TMEM132D: variants seen among roughly 807,000 people sequenced by gnomAD.
The protein encoded by TMEM132D is mature OL transmembrane protein.
Under a neutral mutation model 62.3 loss-of-function variants are expected in TMEM132D, and 21 were observed. That is an observed-to-expected ratio of 0.34 (90% CI 0.24 to 0.49). TMEM132D has a LOEUF of 0.49. TMEM132D is among the 20% of genes least tolerant of loss of function. TMEM132D has a pLI of 0.99. For missense variants in TMEM132D, 1,346 were observed against 1,402.8 expected (o/e 0.96, Z 0.65); for synonymous variants, 621 against 575.6 (o/e 1.08, Z -1.13).
At chr12:129,530,974 G>A in intron 3 of TMEM132D, 85 bp downstream of exon 3, 1 of 1,373,686 alleles carries the variant, frequency 7.3e-7, no homozygotes, top group South Asian at 1.5e-5. Context: ...AGTGGAAATG[G>A]TTGTTAGCAA....
At chr12:129,222,845 G>C (rs544768476) in intron 4 of TMEM132D, among the ~76,000 whole-genome samples, 2 of 152,060 alleles carry the variant, frequency 1.3e-5, no homozygotes, top group African/African-American at 4.8e-5. Flanking sequence ...AGCATGTTTA[G>C]TATAGTTAAT....
intron 1 of TMEM132D, among the ~76,000 whole-genome samples, chr12:129,720,805 A>G (rs890180412): frequency 5.3e-5 from 8 of 152,228 alleles, no homozygotes; most frequent in Non-Finnish European, 1.2e-4. Context: ...CAACGTATCA[A>G]TAATCAATAA....
At chr12:129,835,974 A>T (rs1040789058) in intron 1 of TMEM132D, among the ~76,000 whole-genome samples, 9 of 152,264 alleles carry the variant, frequency 5.9e-5, no homozygotes, top group African/African-American at 2.2e-4. Context: ...CCTGAGCAGC[A>T]GGACTCCACT....
chr12:129,712,560 G>T (rs1057391586), intron 1 of TMEM132D, among the ~76,000 whole-genome samples: 3 of 152,222 alleles, frequency 2.0e-5, no homozygotes, highest in Admixed American at 6.5e-5. Context: ...ATGTCTTTGT[G>T]CAGTGCAGTG....
chr12:129,410,000 T>C (rs1428957848), intron 3 of TMEM132D, among the ~76,000 whole-genome samples: 2 of 152,206 alleles, frequency 1.3e-5, no homozygotes, highest in Admixed American at 6.5e-5. Context: ...CATTAGAACA[T>C]AGACCCTCCT....
chr12:129,532,962 C>T (rs1459562885), intron 2 of TMEM132D, among the ~76,000 whole-genome samples: 5 of 152,100 alleles, frequency 3.3e-5, no homozygotes, highest in Admixed American at 1.3e-4. Context: ...CTTTCCTTGG[C>T]GAATACATCG....
chr12:129,166,678 TATATACAC>T (rs149627926), intron 5 of TMEM132D, among the ~76,000 whole-genome samples: 5,868 of 87,404 alleles, frequency 0.067, 191 homozygotes, highest in Admixed American at 0.12. Flanking sequence ...CAAGGACATA[TATATACAC>T]ATACACACAC....
chr12:129,828,212 T>C (rs1872712804), intron 1 of TMEM132D, among the ~76,000 whole-genome samples: 1 of 152,186 alleles, frequency 6.6e-6, no homozygotes, highest in Non-Finnish European at 1.5e-5. Flanking sequence ...TTGCAATGGC[T>C]CAGGAATTCA....
Position 129,700,549 on chromosome 12 carries a change from A to G in TMEM132D, c.229T>C (p.Ser77Pro), listed in dbSNP as rs2137227616. The G allele has an allele frequency of 1.9e-6, 3 of 1,614,010 alleles. No homozygotes were observed. Among genetic ancestry groups the G allele is most frequent in the Non-Finnish European group, 2.5e-6 (3 of 1,180,010 alleles). The change falls in exon 2 of 9, where the codon TCC becomes CCC. Residue 77 changes from serine to proline, a missense_variant. By Grantham distance (74) the Ser-to-Pro change is moderately conservative. Transcript: ENST00000422113. ...TAAATCAGAAATGACTCCACCCGGGACTGCAGGCTGGAGTTCCTCATGATA... is the reference window on the plus strand; with the variant it reads ...TAAATCAGAAATGACTCCACCCGGGGCTGCAGGCTGGAGTTCCTCATGATA... ...QDIMRNSSLQ[S>P]RVESFLIYKS...
intron 3 of TMEM132D, among the ~76,000 whole-genome samples, chr12:129,429,690 C>T (rs1386996275): frequency 6.6e-6 from 1 of 150,658 alleles, no homozygotes. Flanking sequence ...CCCATTAACT[C>T]GTCACTTAGC....
intron 3 of TMEM132D, among the ~76,000 whole-genome samples, chr12:129,407,522 T>C (rs1328090091): frequency 1.3e-5 from 2 of 152,346 alleles, no homozygotes; most frequent in Non-Finnish European, 1.5e-5. Context: ...TCACCACTAA[T>C]AGATACTAAA....
intron 1 of TMEM132D, among the ~76,000 whole-genome samples, chr12:129,807,908 C>G (rs983494976): frequency 1.3e-5 from 2 of 152,172 alleles, no homozygotes; most frequent in Non-Finnish European, 2.9e-5. Context: ...AGGACGTTTA[C>G]TTAAGGGTGC....
chr12:129,488,232 A>G (rs141527728), intron 3 of TMEM132D, among the ~76,000 whole-genome samples: 76 of 152,258 alleles, frequency 5.0e-4, no homozygotes, highest in African/African-American at 1.7e-3. Context: ...AACACAAACA[A>G]GCTGCGACTC....
chr12:129,172,387 T>C (rs1389498056), intron 5 of TMEM132D, among the ~76,000 whole-genome samples: 2 of 152,232 alleles, frequency 1.3e-5, no homozygotes, highest in African/African-American at 2.4e-5. Flanking sequence ...GAAGTAGCAT[T>C]TTTAATTTCC....
At chr12:129,712,510 A>T (rs1480897902) in intron 1 of TMEM132D, among the ~76,000 whole-genome samples, 2 of 152,100 alleles carry the variant, frequency 1.3e-5, no homozygotes, top group Non-Finnish European at 2.9e-5. Context: ...GGGAGTGGCC[A>T]CCTCCATCAC....
chr12:129,759,762 A>G (rs2137273817), intron 1 of TMEM132D, among the ~76,000 whole-genome samples: 1 of 152,368 alleles, frequency 6.6e-6, no homozygotes, highest in East Asian at 1.9e-4. Context: ...ATTATTAACA[A>G]TAAACACTAG....
At chr12:129,581,638 G>A (rs1877866885) in intron 2 of TMEM132D, among the ~76,000 whole-genome samples, 1 of 152,214 alleles carries the variant, frequency 6.6e-6, no homozygotes, top group Non-Finnish European at 1.5e-5. Context: ...GACTCAGCAA[G>A]TTGGCTTTTC....
chr12:129,832,156 G>A (rs1872863754), intron 1 of TMEM132D, among the ~76,000 whole-genome samples: 1 of 149,850 alleles, frequency 6.7e-6, no homozygotes, highest in East Asian at 2.0e-4. Context: ...CAAAGAGCTG[G>A]GATTACAGGT....
chr12:129,410,319 G>A (rs7972498), intron 3 of TMEM132D, among the ~76,000 whole-genome samples: 22,119 of 151,922 alleles, frequency 0.15, 2,052 homozygotes, highest in Non-Finnish European at 0.21. Context: ...AGACATACTC[G>A]AGACTGGGTA....
Sources: gnomAD v4.1 joint callset for allele counts (sites outside exome capture counted in the v4.1 genomes callset) on GRCh38, gnomAD v4.1.1 for gene constraint, MANE v1.5 for transcripts, NCBI Gene and HGNC (gene_info 2026-07-23, HGNC 2026-07-21) for gene names.